PRRC2B: variants seen among roughly 807,000 people sequenced by gnomAD.
PRRC2B encodes the protein proline rich coiled-coil 2B, also known as protein PRRC2B.
PRRC2B carries 68 observed loss-of-function variants against 242.3 expected under a neutral mutation model. The observed-to-expected ratio is 0.28, with a 90% CI of 0.23 to 0.34. The LOEUF is 0.34. Among genes scored for constraint, PRRC2B ranks in the 10% least tolerant of loss-of-function variants. PRRC2B has a pLI of 1.00. For synonymous variants in PRRC2B, 1,228 were observed against 1,173.6 expected (o/e 1.05, Z -0.95); for missense variants, 2,835 against 2,954.8 (o/e 0.96, Z 0.94).
At chr9:131,458,409 T>C (rs547331017) in intron 10 of PRRC2B, among the ~76,000 whole-genome samples, 1 of 152,000 alleles carries the variant, frequency 6.6e-6, no homozygotes, top group African/African-American at 2.4e-5. Flanking sequence ...ACTGGAAGAG[T>C]TGTCTTGAGC....
chr9:131,453,730 G>A (rs191367749), intron 9 of PRRC2B, among the ~76,000 whole-genome samples: 21 of 152,172 alleles, frequency 1.4e-4, no homozygotes, highest in African/African-American at 5.1e-4. Flanking sequence ...ATATGGTTTC[G>A]CCATGTTGCC....
intron 1 of PRRC2B, among the ~76,000 whole-genome samples, chr9:131,399,147 G>A (rs1022667126): frequency 4.0e-5 from 6 of 151,486 alleles, no homozygotes; most frequent in African/African-American, 1.5e-4. Flanking sequence ...GCCGTGGCGA[G>A]TGCCTGTAGT....
intron 5 of PRRC2B, among the ~76,000 whole-genome samples, chr9:131,443,621 G>C (rs1203988258): frequency 6.6e-6 from 1 of 151,998 alleles, no homozygotes; most frequent in Non-Finnish European, 1.5e-5. Flanking sequence ...GGTAGAGACA[G>C]GGTTTTGCCA....
Position 131,475,988 on chromosome 9 carries a change from C to T in PRRC2B, c.3859C>T (p.His1287Tyr), listed in dbSNP as rs755456959. 1.9e-6 allele frequency: 3 copies of T among 1,608,188 alleles called. No homozygotes were observed. In the East Asian group the frequency reaches 6.7e-5, roughly 36 times the overall value. The change falls in exon 16 of 32, where the codon CAC becomes TAC. Residue 1287 changes from histidine (H) to tyrosine (Y), a missense_variant. This residue lies in a region of PRRC2B where 1,536 missense variants were observed against 1,483.1 expected (regional missense o/e 1.04). Coordinates refer to ENST00000683519, the MANE Select transcript of PRRC2B (RefSeq NM_013318.4). Reference protein sequence around the residue: ...EDKRSFFQDEHVADSENAENR... With the variant: ...EDKRSFFQDEYVADSENAENR... Reference sequence around the variant, plus strand: ...CAAGAGATCCTTCTTCCAAGATGAACACGTGGCAGATTCTGAAAATGCAGA... The same window carrying T: ...CAAGAGATCCTTCTTCCAAGATGAATACGTGGCAGATTCTGAAAATGCAGA...
At chr9:131,386,648 T>G in intron 1 of PRRC2B, among the ~76,000 whole-genome samples, 1 of 150,084 alleles carries the variant, frequency 6.7e-6, no homozygotes, top group African/African-American at 2.4e-5. Context: ...CCAGGGTCCC[T>G]TCTGTTGTAG....
intron 1 of PRRC2B, among the ~76,000 whole-genome samples, chr9:131,398,469 T>C (rs1226056737): frequency 2.0e-5 from 3 of 152,202 alleles, no homozygotes; most frequent in Admixed American, 6.5e-5. Context: ...TGGCGGTCTT[T>C]CACATCTTGT....
Position 131,475,975 on chromosome 9 carries a change from C to A in PRRC2B, c.3846C>A (p.Phe1282Leu), listed in dbSNP as rs766732139. 6.2e-7 allele frequency: 1 copy of A among 1,610,962 alleles called. No homozygotes were observed. ...GCCGCGCGGAGGACAAGAGATCCTT[C>A]TTCCAAGATGAACACGTGGCAGATT... ...EDSRAEDKRSFFQDEHVADSE... is the reference protein window; with the variant it reads ...EDSRAEDKRSLFQDEHVADSE... Residue 1282 changes from phenylalanine to leucine, a missense_variant, in exon 16 of 32, where the codon TTC (phenylalanine) becomes TTA (leucine). Transcript: ENST00000683519.
intron 1 of PRRC2B, among the ~76,000 whole-genome samples, chr9:131,416,953 T>C (rs1011071504): frequency 2.0e-5 from 3 of 152,336 alleles, no homozygotes; most frequent in African/African-American, 7.2e-5. Flanking sequence ...ATATTTTTAA[T>C]CTTTGATCTC....
At chr9:131,445,372 T>A (rs1249795491) in intron 6 of PRRC2B, among the ~76,000 whole-genome samples, 1 of 152,180 alleles carries the variant, frequency 6.6e-6, no homozygotes. Context: ...TTGGTCAGGC[T>A]GGCCTTGAAC....
At chr9:131,488,993 G>C (rs536031216) in intron 28 of PRRC2B, among the ~76,000 whole-genome samples, 1 of 152,182 alleles carries the variant, frequency 6.6e-6, no homozygotes, top group Admixed American at 6.5e-5. Context: ...CATGGACCCT[G>C]TCCATGCAGT....
chr9:131,404,592 G>GA (rs34830565), intron 1 of PRRC2B, among the ~76,000 whole-genome samples: 109,868 of 150,810 alleles, frequency 0.73, 41,083 homozygotes, highest in East Asian at 0.93. Context: ...CACTCTCTCT[G>GA]AAAAAAAAAC....
intron 14 of PRRC2B, among the ~76,000 whole-genome samples, chr9:131,472,480 T>TC (rs1943574575): frequency 6.9e-6 from 1 of 144,562 alleles, no homozygotes; most frequent in East Asian, 2.0e-4. Flanking sequence ...AATTTTTTTT[T>TC]TTTTTTTTTT....
chr9:131,432,698 T>C lies in PRRC2B; in HGVS notation c.197T>C (p.Leu66Ser). The change falls in exon 3 of 32, where the codon TTG becomes TCG. Residue 66 changes from leucine to serine, a missense_variant. Leu to Ser is a moderately radical substitution (Grantham distance 145). Transcript: ENST00000683519. ...RMPPPANLPS[L>S]KSENKGNDPN... ...CCACCGCCTGCAAACCTGCCAAGCT[T>C]GAAGTCTGAAAACAAAGGAAACGAC... The C allele has an allele frequency of 6.2e-7, 1 of 1,614,004 alleles. No homozygotes were observed. The highest frequency in any genetic ancestry group is 1.1e-5 in the South Asian group (1 of 91,080).
chr9:131,489,303 C>T (rs529852925), intron 28 of PRRC2B, among the ~76,000 whole-genome samples: 1 of 151,784 alleles, frequency 6.6e-6, no homozygotes, highest in African/African-American at 2.4e-5. Context: ...TATCGTGCCT[C>T]AGCCTCCCGA....
At chr9:131,377,982 C>T (rs1170344950) in intron 1 of PRRC2B, among the ~76,000 whole-genome samples, 1 of 152,092 alleles carries the variant, frequency 6.6e-6, no homozygotes, top group Admixed American at 6.6e-5. Flanking sequence ...TCTTGAACCC[C>T]TGGGCCCAAG....
At chr9:131,444,132 A>G in intron 5 of PRRC2B, 53 bp from the exon 6 acceptor site, 1 of 1,602,730 alleles carries the variant, frequency 6.2e-7, no homozygotes, top group Non-Finnish European at 8.5e-7. Flanking sequence ...TGGGAAGCAG[A>G]CGACTGTTGA....
At chr9:131,451,226 C>T (rs1339808708) in intron 9 of PRRC2B, among the ~76,000 whole-genome samples, 3 of 151,980 alleles carry the variant, frequency 2.0e-5, no homozygotes, top group African/African-American at 4.8e-5. Context: ...GGTGAAACCC[C>T]GTCTCTGCTA....
At chr9:131,471,416 A>C (rs1444580064) in intron 14 of PRRC2B, among the ~76,000 whole-genome samples, 1 of 152,148 alleles carries the variant, frequency 6.6e-6, no homozygotes, top group African/African-American at 2.4e-5. Flanking sequence ...TTTCCTTTAA[A>C]ATATTATCAT....
chr9:131,382,386 CTCTT>C (rs1385638550), intron 1 of PRRC2B, among the ~76,000 whole-genome samples: 3 of 152,146 alleles, frequency 2.0e-5, no homozygotes, highest in African/African-American at 7.2e-5. Context: ...TTTGCCTCCT[CTCTT>C]TCTCCAGTGT....
Sources: gnomAD v4.1 joint callset for allele counts (sites outside exome capture counted in the v4.1 genomes callset) on GRCh38, gnomAD v4.1.1 for gene constraint, gnomAD v4.1.1 regional missense constraint, MANE v1.5 for transcripts, NCBI Gene and HGNC (gene_info 2026-07-23, HGNC 2026-07-21) for gene names.